TMEM178A: variants seen among roughly 807,000 people sequenced by gnomAD.
TMEM178A encodes transmembrane protein 178A, also known as transmembrane protein 178.
In TMEM178A, 12 loss-of-function variants were observed where a neutral mutation model predicts 29.1. That is an observed-to-expected ratio of 0.41 (90% confidence interval 0.26 to 0.67). The LOEUF is 0.67. Ranked by LOEUF, TMEM178A falls within the 30% of genes least tolerant of loss-of-function variation. The pLI, the probability that TMEM178A is intolerant of heterozygous loss-of-function variation, is 0.29. For missense variants in TMEM178A, 366 were observed against 419.1 expected, an observed-to-expected ratio of 0.87 and a Z score of 1.11; for synonymous variants, 210 against 187.2, an observed-to-expected ratio of 1.12 and a Z score of -0.99.
At chr2:39,691,120 C>G (rs542549209) in intron 1 of TMEM178A, among the ~76,000 whole-genome samples, 1 of 152,084 alleles carries the variant, frequency 6.6e-6, no homozygotes, top group Admixed American at 6.5e-5. Context: ...CCAGAAGGAG[C>G]AAAGAAAGAA....
chr2:39,725,898 C>A, the TMEM178A span, among the ~76,000 whole-genome samples: 2 of 152,168 alleles, frequency 1.3e-5, no homozygotes, highest in Non-Finnish European at 2.9e-5. Flanking sequence ...AACAAAGACA[C>A]ATGTGGTCAA....
chr2:39,708,709 G>A (rs554123861), intron 3 of TMEM178A, among the ~76,000 whole-genome samples: 296 of 152,152 alleles, frequency 1.9e-3, no homozygotes, highest in Non-Finnish European at 3.0e-3. Context: ...GAGCCACCGC[G>A]CCCGGCCGAT....
At chr2:39,670,479 G>T (rs913332786) in intron 1 of TMEM178A, among the ~76,000 whole-genome samples, 8 of 152,212 alleles carry the variant, frequency 5.3e-5, no homozygotes, top group African/African-American at 1.9e-4. Flanking sequence ...TAGGTCATAG[G>T]ACCAGGGTAG....
At chr2:39,711,397 A>G (rs2148114252) in intron 3 of TMEM178A, among the ~76,000 whole-genome samples, 1 of 152,312 alleles carries the variant, frequency 6.6e-6, no homozygotes, top group Non-Finnish European at 1.5e-5. Context: ...GTATTTTTTA[A>G]TTCACCAGGA....
chr2:39,720,688 G>A (rs1334301654), downstream of TMEM178A, among the ~76,000 whole-genome samples: 1 of 152,180 alleles, frequency 6.6e-6, no homozygotes, highest in African/African-American at 2.4e-5. Context: ...CTGGTAGACC[G>A]TAGGTGCTCT....
At chr2:39,726,654 G>A in the TMEM178A span, among the ~76,000 whole-genome samples, 4 of 152,202 alleles carry the variant, frequency 2.6e-5, no homozygotes, top group East Asian at 1.9e-4. Flanking sequence ...AGTACTGGGC[G>A]TTTAGGTCTA....
At chr2:39,667,852 ATAAT>A (rs1227589858) in intron 1 of TMEM178A, among the ~76,000 whole-genome samples, 1 of 152,238 alleles carries the variant, frequency 6.6e-6, no homozygotes, top group Non-Finnish European at 1.5e-5. Flanking sequence ...AAGATGCTGC[ATAAT>A]TAATTCTGAT....
chr2:39,735,112 T>C, the TMEM178A span, among the ~76,000 whole-genome samples: 1 of 152,170 alleles, frequency 6.6e-6, no homozygotes, highest in Non-Finnish European at 1.5e-5. Flanking sequence ...CTTTCAGTGG[T>C]TTTGAGTAAA....
At chr2:39,719,804 T>C (rs1672667956), downstream of TMEM178A, among the ~76,000 whole-genome samples, 1 of 152,136 alleles carries the variant, frequency 6.6e-6, no homozygotes, top group Non-Finnish European at 1.5e-5. Flanking sequence ...GCCTCCCTCA[T>C]CTTTCAAGGA....
chr2:39,690,055 C>T (rs1228261763), intron 1 of TMEM178A, among the ~76,000 whole-genome samples: 1 of 152,202 alleles, frequency 6.6e-6, no homozygotes, highest in Admixed American at 6.5e-5. Context: ...ATGCTCGCTT[C>T]TGCCTTGCCC....
chr2:39,702,370 G>A (rs1044453076), intron 1 of TMEM178A, among the ~76,000 whole-genome samples: 3 of 152,102 alleles, frequency 2.0e-5, no homozygotes, highest in Non-Finnish European at 4.4e-5. Flanking sequence ...GTCTTTGCCA[G>A]TGGGGTTTGT....
the TMEM178A span, among the ~76,000 whole-genome samples, chr2:39,727,731 G>A: frequency 2.5e-3 from 146 of 57,330 alleles, no homozygotes; most frequent in Non-Finnish European, 3.8e-3. Context: ...CCCACCCCTC[G>A]ACAGGCCCCG....
chr2:39,681,164 CTT>C (rs141895159), intron 1 of TMEM178A, among the ~76,000 whole-genome samples: 2,455 of 152,290 alleles, frequency 0.016, 69 homozygotes, highest in African/African-American at 0.056. Flanking sequence ...AGGTAAACCT[CTT>C]TAGTCATACG....
the TMEM178A span, among the ~76,000 whole-genome samples, chr2:39,730,215 TG>T: frequency 6.6e-6 from 1 of 152,170 alleles, no homozygotes; most frequent in Non-Finnish European, 1.5e-5. Flanking sequence ...AATCCTCTCT[TG>T]GGAATGATTT....
intron 3 of TMEM178A, among the ~76,000 whole-genome samples, chr2:39,711,180 C>G (rs1672284861): frequency 6.6e-6 from 1 of 152,252 alleles, no homozygotes; most frequent in Non-Finnish European, 1.5e-5. Context: ...AGACTCTTAT[C>G]TTCCAGCTTT....
chr2:39,669,594 C>T (rs1209559544), intron 1 of TMEM178A, among the ~76,000 whole-genome samples: 3 of 152,186 alleles, frequency 2.0e-5, no homozygotes, highest in African/African-American at 4.8e-5. Flanking sequence ...ATGGTCTAGG[C>T]TTGACGTTTA....
chr2:39,729,015 C>T, the TMEM178A span, among the ~76,000 whole-genome samples: 29 of 152,188 alleles, frequency 1.9e-4, no homozygotes, highest in African/African-American at 6.5e-4. Flanking sequence ...CTTCAGTAAC[C>T]TTGGTGTGTG....
At chr2:39,694,093 C>T (rs1421048331) in intron 1 of TMEM178A, among the ~76,000 whole-genome samples, 1 of 150,986 alleles carries the variant, frequency 6.6e-6, no homozygotes, top group Non-Finnish European at 1.5e-5. Flanking sequence ...TCAAGGAACT[C>T]ACCTGAGTCT....
chr2:39,704,453 C>T (rs1027945748), intron 2 of TMEM178A, among the ~76,000 whole-genome samples: 2 of 152,160 alleles, frequency 1.3e-5, no homozygotes, highest in East Asian at 3.9e-4. Context: ...CAGCTGCCTA[C>T]TGAATCTTTT....
Sources: allele counts gnomAD v4.1 joint callset (sites outside exome capture counted in the v4.1 genomes callset), GRCh38; gene constraint gnomAD v4.1.1; transcripts MANE v1.5; gene names NCBI Gene and HGNC (gene_info 2026-07-23, HGNC 2026-07-21).